Variants in COL19A1 observed in about 807,000 individuals in gnomAD.
The protein encoded by COL19A1 is collagen type XIX alpha 1 chain, also known as collagen alpha-1(XIX) chain.
COL19A1 carries 159 observed loss-of-function variants against 190.2 expected under a neutral mutation model. The observed-to-expected ratio is 0.84, with a 90% CI of 0.73 to 0.95. The LOEUF (loss-of-function observed/expected upper bound fraction) is 0.95, where lower values mean the gene tolerates loss of function less well. Among genes scored for constraint, COL19A1 ranks in the 40% least tolerant of loss-of-function variants. COL19A1 has a pLI of 0.00. For missense variants in COL19A1, 1,418 were observed against 1,431.9 expected, an observed-to-expected ratio of 0.99 and a Z score of 0.16; for synonymous variants, 509 against 458.9, an observed-to-expected ratio of 1.11 and a Z score of -1.39.
intron 49 of COL19A1, among the ~76,000 whole-genome samples, chr6:70,206,600 A>G (rs570849852): frequency 4.2e-5 from 6 of 142,490 alleles, no homozygotes; most frequent in African/African-American, 1.1e-4. Context: ...GTGCCACTGC[A>G]CTCCAGCCTG....
At chr6:70,143,483 G>C (rs1786396454) in intron 23 of COL19A1, among the ~76,000 whole-genome samples, 1 of 152,012 alleles carries the variant, frequency 6.6e-6, no homozygotes, top group Non-Finnish European at 1.5e-5. Context: ...TAACTCCTTG[G>C]AGACTGATCA....
At chr6:70,117,413 C>G (rs568190655) in intron 16 of COL19A1, among the ~76,000 whole-genome samples, 5 of 152,326 alleles carry the variant, frequency 3.3e-5, no homozygotes, top group African/African-American at 1.2e-4. Context: ...CATTTTTACA[C>G]TACGTGTCTG....
Position 70,131,780 on chromosome 6 carries a change from A to G in COL19A1, c.1383+1557A>G, listed in dbSNP as rs188208469. ...ATGATGATTCATTTCTTGAAACAAA[A>G]CAGCTGGGTTCTGTTTTGCTGTGTT... is the stretch of plus-strand genomic sequence containing the variant. On this transcript the variant is annotated intron_variant, in intron 18 of 50. Transcript: ENST00000620364. Among the ~76,000 whole-genome samples, 20 of 152,334 alleles carry G rather than the reference A, an allele frequency of 1.3e-4. 1 individual carries two copies. In the East Asian group the frequency reaches 3.5e-3, roughly 26 times the overall value.
chr6:70,019,654 C>T (rs1044653380), intron 11 of COL19A1, among the ~76,000 whole-genome samples: 1 of 151,978 alleles, frequency 6.6e-6, no homozygotes. Flanking sequence ...GTTAGGATTT[C>T]GTTGAAGTTT....
chr6:69,875,207 C>G (rs1478124562), intron 1 of COL19A1, among the ~76,000 whole-genome samples: 1 of 152,142 alleles, frequency 6.6e-6, no homozygotes, highest in Non-Finnish European at 1.5e-5. Flanking sequence ...AAATAACATA[C>G]ACAAAAACCT....
chr6:70,096,010 T>C (rs1307880407), intron 15 of COL19A1, among the ~76,000 whole-genome samples: 1 of 152,204 alleles, frequency 6.6e-6, no homozygotes, highest in Non-Finnish European at 1.5e-5. Context: ...TATGCAAATA[T>C]CTTTTCTTAA....
intron 40 of COL19A1, 129 bp downstream of exon 40, chr6:70,168,810 G>T: frequency 3.4e-6 from 3 of 888,114 alleles, no homozygotes; most frequent in Non-Finnish European, 5.3e-6. Context: ...GTGACAAGCA[G>T]GCCACAATAT....
chr6:70,209,105 G>A lies in COL19A1; in HGVS notation c.*1831G>A, dbSNP rs1583173377. On this transcript the variant is annotated 3_prime_UTR_variant, in exon 51 of 51. Transcript: ENST00000620364. ...CTGTGTTTTAAACTTACACAATTGG[G>A]ACATACGTATGTGTTTTCTTAGTAA... 6.6e-6 allele frequency: 1 copy of A among 152,192 alleles called. No homozygotes were observed. The highest frequency in any genetic ancestry group is 1.9e-4 in the East Asian group (1 of 5,186). 9.4% of individuals were successfully genotyped at this position (152,192 alleles called of 1,614,324 possible).
intron 14 of COL19A1, among the ~76,000 whole-genome samples, chr6:70,062,466 A>G (rs1263228290): frequency 6.6e-6 from 1 of 152,146 alleles, no homozygotes; most frequent in East Asian, 1.9e-4. Flanking sequence ...GCCCTACAAG[A>G]GCTCCTGAAG....
chr6:70,205,061 C>T (rs1767776522), intron 49 of COL19A1, among the ~76,000 whole-genome samples: 1 of 152,122 alleles, frequency 6.6e-6, no homozygotes, highest in African/African-American at 2.4e-5. Flanking sequence ...ATGTCAAAGC[C>T]ACTGTTCTCT....
chr6:69,928,511 AAG>A (rs773870291), intron 5 of COL19A1, among the ~76,000 whole-genome samples: 79 of 152,336 alleles, frequency 5.2e-4, no homozygotes, highest in Non-Finnish European at 7.3e-4. Flanking sequence ...GTGACAAGAA[AAG>A]AGATCTGAAA....
chr6:69,989,294 G>A (rs377279680), intron 11 of COL19A1, among the ~76,000 whole-genome samples: 17 of 152,228 alleles, frequency 1.1e-4, no homozygotes, highest in Admixed American at 4.6e-4. Context: ...CTTGCCCTTC[G>A]TGGTTTCTAC....
intron 15 of COL19A1, among the ~76,000 whole-genome samples, chr6:70,074,215 T>C (rs1341155514): frequency 6.6e-6 from 1 of 151,976 alleles, no homozygotes; most frequent in Non-Finnish European, 1.5e-5. Flanking sequence ...ATAATAGTGT[T>C]TCATTGGGCG....
At chr6:70,148,087 G>A (rs920884690) in intron 27 of COL19A1, among the ~76,000 whole-genome samples, 1 of 152,052 alleles carries the variant, frequency 6.6e-6, no homozygotes, top group Non-Finnish European at 1.5e-5. Flanking sequence ...GGGTGTTTTC[G>A]CCAGCCTGGA....
At chr6:70,199,533 T>A in intron 48 of COL19A1, 75 bp from the exon 49 acceptor site, 1 of 1,121,046 alleles carries the variant, frequency 8.9e-7, no homozygotes, top group Non-Finnish European at 1.2e-6. Context: ...TTTGTTTGAT[T>A]TCATGTATTT....
chr6:69,953,515 G>A (rs1041180339), intron 9 of COL19A1, among the ~76,000 whole-genome samples: 1 of 152,026 alleles, frequency 6.6e-6, no homozygotes, highest in African/African-American at 2.4e-5. Context: ...ATACAATATA[G>A]CACTAAAATA....
At chr6:70,007,518 G>A (rs1777706294) in intron 11 of COL19A1, among the ~76,000 whole-genome samples, 1 of 151,984 alleles carries the variant, frequency 6.6e-6, no homozygotes, top group African/African-American at 2.4e-5. Context: ...GGCCAATATA[G>A]CAGGAAGATA....
At chr6:69,927,052 G>A (rs904455732) in intron 4 of COL19A1, among the ~76,000 whole-genome samples, 13 of 151,766 alleles carry the variant, frequency 8.6e-5, no homozygotes, top group African/African-American at 2.9e-4. Context: ...GTGAAATTAA[G>A]GATTAAAAAA....
intron 2 of COL19A1, chr6:69,890,714 T>C (rs1333446775): frequency 6.6e-6 from 1 of 152,258 alleles, no homozygotes; most frequent in Admixed American, 6.5e-5. Context: ...GGGAATCCTG[T>C]ATTTTATTAG....
Sources: gnomAD v4.1 joint callset for allele counts (sites outside exome capture counted in the v4.1 genomes callset) on GRCh38, gnomAD v4.1.1 for gene constraint, MANE v1.5 for transcripts, NCBI Gene and HGNC (gene_info 2026-07-23, HGNC 2026-07-21) for gene names.